CCDC110: variants seen among roughly 807,000 people sequenced by gnomAD.
The protein encoded by CCDC110 is coiled-coil domain containing 110.
A neutral mutation model predicts 77.1 loss-of-function variants in CCDC110; 70 were observed. The ratio of observed to expected loss-of-function variants is 0.91; its 90% confidence interval spans 0.75 to 1.11. CCDC110 has a LOEUF of 1.11. Ranked by LOEUF, CCDC110 falls within the 50% of genes least tolerant of loss-of-function variation. The pLI is 0.00. For missense variants in CCDC110, 868 were observed against 942.9 expected (o/e 0.92, Z 1.04); for synonymous variants, 295 against 312.5 (o/e 0.94, Z 0.59).
rs755560842 is a variant in CCDC110 at position 185,445,452 on chromosome 4, T to C, written c.*50A>G. The C allele has an allele frequency of 3.0e-5, 39 of 1,305,260 alleles. No individual in the cohort carries two copies. Among genetic ancestry groups the C allele is most frequent in the Non-Finnish European group, 3.8e-5 (35 of 913,114 alleles). The allele number at this position is 1,305,260 out of a possible 1,614,324, so 80.9% of individuals were successfully genotyped here. A position where few individuals can be genotyped will look rare whatever the true frequency, so the allele number is the denominator to read the frequency against. ...ATGCATAGTTCAGTTAGCAGTACAA[T>C]TAACATTGGCTATTTCTCGAAGGGA... is the stretch of plus-strand genomic sequence containing the variant. On this transcript the variant is annotated 3_prime_UTR_variant, in exon 7 of 7. Transcript: ENST00000307588.
chr4:185,457,911 G>T, intron 6 of CCDC110: 1 of 715,158 alleles, frequency 1.4e-6, no homozygotes, highest in Non-Finnish European at 2.1e-6. Flanking sequence ...AACTTGGTTT[G>T]TACACATACA....
rs751542676 is a variant in CCDC110 at position 185,468,906 on chromosome 4, T to C, written c.115+2039A>G. 2.6e-5 allele frequency among the ~76,000 whole-genome samples: 4 copies of C among 152,214 alleles called. No homozygotes were observed. The highest frequency in any genetic ancestry group is 4.4e-5 in the Non-Finnish European group (3 of 68,036). ...GAATCTTGCAAGTCTTGTTCACTGTTGGATCCCCAGCACCTAGAACAGCAC... is the reference window on the plus strand; with the variant it reads ...GAATCTTGCAAGTCTTGTTCACTGTCGGATCCCCAGCACCTAGAACAGCAC... On this transcript the variant is annotated intron_variant, in intron 2 of 6. Transcript: ENST00000307588. The surrounding 1 kb of genome is among the most constrained non-coding windows in gnomAD (Gnocchi z 4.5).
intron 6 of CCDC110, among the ~76,000 whole-genome samples, chr4:185,448,896 G>A (rs369092532): frequency 2.0e-5 from 3 of 152,146 alleles, no homozygotes; most frequent in Non-Finnish European, 4.4e-5. Flanking sequence ...AGAAGAATAA[G>A]TGATTATTCT....
At chr4:185,452,075 C>G (rs2095630005) in intron 6 of CCDC110, 1 of 365,814 alleles carries the variant, frequency 2.7e-6, no homozygotes, top group African/African-American at 2.2e-5. Context: ...CACATTCGAT[C>G]TGACAGGTGC....
At position 185,459,090 on chromosome 4, in the gene CCDC110, T is replaced by C. The variant is rs770064455; in HGVS notation, c.1497A>G (p.Glu499=). The change falls in exon 6 of 7, where the codon GAA becomes GAG. Residue 499 remains glutamate, a synonymous_variant. Transcript: ENST00000307588. ...ATTCTTTAAGACACTCTTTGCTGTA[T>C]TCTTCTGTTTTACTTAACTTAGACT... ...TIQSKLSKTE[E]YSKECLKEFK... 6.3e-7 allele frequency: 1 copy of C among 1,582,624 alleles called. No individual in the cohort carries two copies.
At chr4:185,467,576 C>A (rs1406394887) in intron 2 of CCDC110, among the ~76,000 whole-genome samples, 1 of 152,148 alleles carries the variant, frequency 6.6e-6, no homozygotes, top group Non-Finnish European at 1.5e-5. Flanking sequence ...GAATATTACT[C>A]ATCTCATATT....
chr4:185,464,946 T>C (rs550705099), intron 2 of CCDC110, among the ~76,000 whole-genome samples: 7 of 152,324 alleles, frequency 4.6e-5, no homozygotes, highest in African/African-American at 1.7e-4. Context: ...TTCAATAACA[T>C]ACAGTTCTAT....
chr4:185,459,188 G>T lies in CCDC110; in HGVS notation c.1399C>A (p.Gln467Lys). 6.2e-7 allele frequency: 1 copy of T among 1,600,976 alleles called. No homozygotes were observed. ...GTTTCAACTTTCTGTATGAGAGATT[G>T]TGTGGTAAAGATAAGAGGTTTCATT... ...SKMKPLIFTT[Q>K]SLIQKVETYE... Residue 467 changes from glutamine to lysine, a missense_variant, in exon 6 of 7, where the codon CAA becomes AAA. By Grantham distance (53) the Gln-to-Lys change is moderately conservative. Coordinates refer to ENST00000307588, the MANE Select transcript of CCDC110 (RefSeq NM_152775.4).
At chr4:185,457,961 GA>G (rs1338372655) in intron 6 of CCDC110, 164 bp downstream of exon 6, 2 of 619,302 alleles carry the variant, frequency 3.2e-6, no homozygotes, top group Non-Finnish European at 5.0e-6. Context: ...ATTTTATCTA[GA>G]AAAAATTCCT....
intron 2 of CCDC110, 93 bp from the exon 3 acceptor site, chr4:185,463,142 T>C: frequency 1.2e-6 from 1 of 869,080 alleles, no homozygotes; most frequent in Non-Finnish European, 1.9e-6. Context: ...CTTGCTTGGA[T>C]AGTGAGGCAG....
chr4:185,469,830 T>A (rs1186681215), intron 2 of CCDC110, among the ~76,000 whole-genome samples: 1 of 152,166 alleles, frequency 6.6e-6, no homozygotes, highest in Non-Finnish European at 1.5e-5. Context: ...AGATCTTGCA[T>A]GGTGGAGGTG....
In CCDC110 at chr4:185,459,000, AT is replaced by A. The variant is rs780308749; in HGVS notation, c.1586del (p.Asn529IlefsTer6). The part of the protein sequence containing the change: ...QGQNKTLEEK[N>X]IQLSLEKQQM... ...GTTGCTTCTCTAAAGAAAGTTGTAT[AT>A]TTTTTTCCTCTAGAGTTTTATTTTG... On this transcript the variant is annotated frameshift_variant, in exon 6 of 7. Coordinates refer to ENST00000307588, the MANE Select transcript of CCDC110 (RefSeq NM_152775.4). LOFTEE classifies it high-confidence loss of function. The A allele has an allele frequency of 1.3e-6, 2 of 1,599,780 alleles. No individual in the cohort carries two copies. Among genetic ancestry groups the A allele is most frequent in the South Asian group, 2.3e-5 (2 of 88,148 alleles).
At chr4:185,465,215 C>G (rs1401026244) in intron 2 of CCDC110, among the ~76,000 whole-genome samples, 1 of 152,194 alleles carries the variant, frequency 6.6e-6, no homozygotes, top group Non-Finnish European at 1.5e-5. Context: ...AAAATTCTAT[C>G]TCCTTCCCAT....
chr4:185,446,372 TCTAA>T (rs2095611357), intron 6 of CCDC110, among the ~76,000 whole-genome samples: 1 of 152,206 alleles, frequency 6.6e-6, no homozygotes, highest in African/African-American at 2.4e-5. Context: ...TTTGGGGTGC[TCTAA>T]CTTAGATGGT....
chr4:185,454,140 A>G (rs2095632962), intron 6 of CCDC110, among the ~76,000 whole-genome samples: 1 of 152,060 alleles, frequency 6.6e-6, no homozygotes, highest in Non-Finnish European at 1.5e-5. Flanking sequence ...TAACAGTTAC[A>G]TTAGTCACTC....
intron 2 of CCDC110, among the ~76,000 whole-genome samples, chr4:185,465,098 T>C (rs998038672): frequency 6.6e-6 from 1 of 152,332 alleles, no homozygotes; most frequent in African/African-American, 2.4e-5. Flanking sequence ...TACATTCTGT[T>C]CTGTAACTGT....
rs751213402 is a variant in CCDC110 at position 185,460,080 on chromosome 4, T to C, written c.507A>G (p.Thr169=). ...TGTCTGTTGAAGTTCTCAGAGTTAATGTGTCCTCGGAATGTATCTGGGATG... is the reference window on the plus strand; with the variant it reads ...TGTCTGTTGAAGTTCTCAGAGTTAACGTGTCCTCGGAATGTATCTGGGATG... The part of the protein sequence containing the change: ...NVPSQIHSED[T]LTLRTSTDNL... Residue 169 remains threonine (T), a synonymous_variant, in exon 6 of 7, where the codon ACA becomes ACG. Coordinates refer to ENST00000307588, the MANE Select transcript of CCDC110 (RefSeq NM_152775.4). 1 of 1,613,884 alleles carries C rather than the reference T, an allele frequency of 6.2e-7. No homozygotes were observed. The highest frequency in any genetic ancestry group is 2.2e-5 in the East Asian group (1 of 44,836).
chr4:185,470,435 T>TTG (rs1448592107), intron 2 of CCDC110: 1 of 344,988 alleles, frequency 2.9e-6, no homozygotes, highest in East Asian at 7.5e-5. Context: ...CATTTAAAAA[T>TTG]TGTGGTACTG....
In CCDC110 at chr4:185,458,614, A is replaced by G. The variant is rs146177065; in HGVS notation, c.1973T>C (p.Met658Thr). ...LQESTAARQI[M>T]EREIENIQTY... ...TTGAATATTCTCAATTTCTCTTTCCATAATTTGTCTGGCAGCAGTAGATTC... is the reference window on the plus strand; with the variant it reads ...TTGAATATTCTCAATTTCTCTTTCCGTAATTTGTCTGGCAGCAGTAGATTC... Residue 658 changes from methionine to threonine, a missense_variant, in exon 6 of 7, where the codon ATG becomes ACG. Met to Thr is a moderately conservative substitution (Grantham distance 81). Coordinates refer to ENST00000307588, the MANE Select transcript of CCDC110 (RefSeq NM_152775.4). 141 of 1,608,230 alleles carry G rather than the reference A, an allele frequency of 8.8e-5. No homozygotes were observed. The highest frequency in any genetic ancestry group is 4.0e-4 in the South Asian group (36 of 90,760).
Sources: allele counts gnomAD v4.1 joint callset (sites outside exome capture counted in the v4.1 genomes callset), GRCh38; gene constraint gnomAD v4.1.1; non-coding constraint Gnocchi (gnomAD v3.1); transcripts MANE v1.5; gene names NCBI Gene and HGNC (gene_info 2026-07-23, HGNC 2026-07-21).